The following FNBP4 variants were observed in gnomAD, a reference collection of about 807,000 sequenced individuals.
The protein encoded by FNBP4 is formin binding protein 4, also known as formin-binding protein 4.
In FNBP4, 34 loss-of-function variants were observed where a neutral mutation model predicts 119.3. The ratio of observed to expected loss-of-function variants is 0.28; its 90% CI spans 0.22 to 0.38. FNBP4 has a LOEUF of 0.38. Ranked by LOEUF, FNBP4 falls within the 10% of genes least tolerant of loss-of-function variation. FNBP4 has a pLI of 1.00. For missense variants in FNBP4, 1,112 were observed against 1,228.9 expected, an observed-to-expected ratio of 0.90 and a Z score of 1.42; for synonymous variants, 462 against 430.6, an observed-to-expected ratio of 1.07 and a Z score of -0.90.
At position 47,724,502 on chromosome 11, in the gene FNBP4, T is replaced by A; in HGVS notation, c.2285A>T (p.Lys762Ile). Reference sequence around the variant, plus strand: ...TACAACTGTGGTTTGTGCTGAAGGTTTCAAAGGGGTATCTTCCTCTGTTCC... The same window carrying A: ...TACAACTGTGGTTTGTGCTGAAGGTATCAAAGGGGTATCTTCCTCTGTTCC... ...APGTEEDTPL[K>I]PSAQTTVVTS... The change falls in exon 13 of 17, where the codon AAA becomes ATA. Residue 762 changes from lysine (K) to isoleucine (I), a missense_variant. This residue lies in a region of FNBP4 where 826 missense variants were observed against 988.8 expected (regional missense o/e 0.84). Coordinates refer to ENST00000263773, the MANE Select transcript of FNBP4 (RefSeq NM_015308.5). 1 of 1,614,220 alleles carries A rather than the reference T, an allele frequency of 6.2e-7. No homozygotes were observed. Among genetic ancestry groups the A allele is most frequent in the African/African-American group, 1.3e-5 (1 of 75,064 alleles).
At chr11:47,743,776 C>T in intron 8 of FNBP4, 177 bp downstream of exon 8, 2 of 619,870 alleles carry the variant, frequency 3.2e-6, no homozygotes, top group Non-Finnish European at 5.6e-6. Context: ...TCTTACTCCT[C>T]TACTAGAAAA....
intron 8 of FNBP4, among the ~76,000 whole-genome samples, chr11:47,743,123 A>T (rs910423819): frequency 6.6e-6 from 1 of 152,064 alleles, no homozygotes; most frequent in Non-Finnish European, 1.5e-5. Context: ...CACGATCCAT[A>T]AAAGTATTTT....
intron 12 of FNBP4, among the ~76,000 whole-genome samples, chr11:47,727,702 C>T (rs2097562739): frequency 6.6e-6 from 1 of 152,192 alleles, no homozygotes; most frequent in Non-Finnish European, 1.5e-5. Context: ...AAAGCTGTGT[C>T]ATAGAAATGA....
At chr11:47,758,681 G>C (rs575417846) in intron 2 of FNBP4, among the ~76,000 whole-genome samples, 2 of 151,938 alleles carry the variant, frequency 1.3e-5, no homozygotes, top group Admixed American at 6.6e-5. Context: ...CCAACATGGT[G>C]AAATCCCACC....
chr11:47,731,596 C>G, intron 11 of FNBP4, 35 bp from the exon 12 acceptor site: 2 of 1,578,296 alleles, frequency 1.3e-6, no homozygotes, highest in East Asian at 2.3e-5. Flanking sequence ...TGTTTTAAAA[C>G]CCGTTCTCCT....
chr11:47,723,895 T>A (rs1262387211), intron 14 of FNBP4, 133 bp downstream of exon 14: 2 of 799,706 alleles, frequency 2.5e-6, no homozygotes, highest in African/African-American at 1.8e-5. Flanking sequence ...TTTTTTTTTT[T>A]AAGTAAAATA....
chr11:47,735,970 C>T (rs951637803), intron 9 of FNBP4, among the ~76,000 whole-genome samples: 1 of 151,708 alleles, frequency 6.6e-6, no homozygotes, highest in African/African-American at 2.4e-5. Context: ...CCCAGCTACT[C>T]GGGAGGCTGA....
At position 47,719,596 on chromosome 11, in the gene FNBP4, G is replaced by A. The variant is rs2097553337; in HGVS notation, c.2963+333C>T. Reference sequence around the variant, plus strand: ...TGTGTATGTGTGTGTGTGTGTGTGTGTGTGTGTGTGTGTGTGTGTATAAAA... The same window carrying A: ...TGTGTATGTGTGTGTGTGTGTGTGTATGTGTGTGTGTGTGTGTGTATAAAA... On this transcript the variant is annotated intron_variant, in intron 16 of 16. Transcript: ENST00000263773. Among the ~76,000 whole-genome samples the A allele has an allele frequency of 2.0e-5, 3 of 151,732 alleles. No individual in the cohort carries two copies. The South Asian group carries it at 6.3e-4, about 32-fold the overall frequency.
At position 47,732,476 on chromosome 11, in the gene FNBP4, G is replaced by C; in HGVS notation, c.1820+61C>G. The C allele has an allele frequency of 6.2e-7, 1 of 1,607,314 alleles. No homozygotes were observed. The highest frequency in any genetic ancestry group is 8.5e-7 in the Non-Finnish European group (1 of 1,175,100). On this transcript the variant is annotated intron_variant, in intron 11 of 16. Coordinates refer to ENST00000263773, the MANE Select transcript of FNBP4 (RefSeq NM_015308.5). The surrounding 1 kb of genome is among the most constrained non-coding windows in gnomAD (Gnocchi z 4.2). ...GGCTGTCATGTCGTCAGATGGTGGT[G>C]ATCACAAATCATGTCTGAGATGTCA...
intron 8 of FNBP4, among the ~76,000 whole-genome samples, chr11:47,742,024 T>C (rs2097582808): frequency 6.6e-6 from 1 of 152,156 alleles, no homozygotes; most frequent in African/African-American, 2.4e-5. Context: ...ACAATAATTT[T>C]TAAGGCACGT....
intron 2 of FNBP4, among the ~76,000 whole-genome samples, chr11:47,757,886 T>C (rs918896968): frequency 6.6e-6 from 1 of 152,208 alleles, no homozygotes; most frequent in Admixed American, 6.5e-5. Context: ...AGTGGATCAC[T>C]ACATCCTCAA....
Position 47,740,590 on chromosome 11 carries a change from T to C in FNBP4, c.1456+3363A>G, listed in dbSNP as rs548261040. 3.5e-5 allele frequency among the ~76,000 whole-genome samples: 5 copies of C among 142,630 alleles called. No individual in the cohort carries two copies. In the East Asian group the frequency reaches 6.2e-4, roughly 18 times the overall value. The allele number at this position is 142,630 out of a possible 152,430, so 93.6% of individuals were successfully genotyped here. A position where few individuals can be genotyped will look rare whatever the true frequency, so the allele number is the denominator to read the frequency against. ...GACAGATCTTTAAGCACAACATACA[T>C]ATGTATTTGTTTTTTTTTTCCCCGA... On this transcript the variant is annotated intron_variant, in intron 8 of 16. Transcript: ENST00000263773.
chr11:47,743,805 G>A (rs745389691), intron 8 of FNBP4, 148 bp downstream of exon 8: 24 of 690,034 alleles, frequency 3.5e-5, no homozygotes, highest in Non-Finnish European at 5.3e-5. Context: ...AAAAGGTAGA[G>A]AGGTGGATGG....
chr11:47,741,521 A>G (rs772688543), intron 8 of FNBP4, among the ~76,000 whole-genome samples: 1 of 151,748 alleles, frequency 6.6e-6, no homozygotes, highest in Non-Finnish European at 1.5e-5. Flanking sequence ...ATTCCTTTCT[A>G]AGAATATACC....
intron 8 of FNBP4, chr11:47,743,733 C>T (rs1305937219): frequency 3.6e-6 from 2 of 560,056 alleles, no homozygotes; most frequent in African/African-American, 3.8e-5. Flanking sequence ...ACTCTGAATA[C>T]ACCACCATCC....
Position 47,732,287 on chromosome 11 carries a change from G to T in FNBP4, c.1820+250C>A. ...CCCGCCCTACTCCGTGCAACACTCTGGAGAGTAAAAACCAGCTTTGTCCAT... is the reference window on the plus strand; with the variant it reads ...CCCGCCCTACTCCGTGCAACACTCTTGAGAGTAAAAACCAGCTTTGTCCAT... On this transcript the variant is annotated intron_variant, in intron 11 of 16. Transcript: ENST00000263773. The surrounding 1 kb of genome is among the most constrained non-coding windows in gnomAD (Gnocchi z 4.2). 7.4e-7 allele frequency: 1 copy of T among 1,351,320 alleles called. No homozygotes were observed. The highest frequency in any genetic ancestry group is 9.5e-7 in the Non-Finnish European group (1 of 1,049,238). 83.7% of individuals were successfully genotyped at this position (1,351,320 alleles called of 1,614,324 possible).
intron 1 of FNBP4, 38 bp from the exon 2 acceptor site, chr11:47,765,400 A>G (rs762632587): frequency 1.5e-6 from 2 of 1,368,652 alleles, no homozygotes; most frequent in Non-Finnish European, 2.0e-6. Context: ...AAAAGAAAAG[A>G]AAAGAAAAGA....
chr11:47,739,269 G>C (rs1218292615), intron 8 of FNBP4, among the ~76,000 whole-genome samples: 4 of 151,984 alleles, frequency 2.6e-5, no homozygotes, highest in African/African-American at 9.7e-5. Flanking sequence ...TAATATAATA[G>C]CCTGGCTCTC....
chr11:47,743,253 C>T (rs186356441), intron 8 of FNBP4, among the ~76,000 whole-genome samples: 3 of 152,202 alleles, frequency 2.0e-5, no homozygotes, highest in African/African-American at 7.2e-5. Flanking sequence ...CTTTGGGAGG[C>T]GGGCGGATCA....
Sources: allele counts gnomAD v4.1 joint callset (sites outside exome capture counted in the v4.1 genomes callset), GRCh38; gene constraint gnomAD v4.1.1; regional missense constraint gnomAD v4.1.1; non-coding constraint Gnocchi (gnomAD v3.1); transcripts MANE v1.5; gene names NCBI Gene and HGNC (gene_info 2026-07-23, HGNC 2026-07-21).